ZBBX: variants seen among roughly 807,000 people sequenced by gnomAD.
The protein encoded by ZBBX is zinc finger B-box domain containing.
A neutral mutation model predicts 108.5 loss-of-function variants in ZBBX; 101 were observed. The ratio of observed to expected loss-of-function variants is 0.93; its 90% CI spans 0.79 to 1.10. The LOEUF is 1.10. Among genes scored for constraint, ZBBX ranks in the 50% least tolerant of loss-of-function variants. The pLI, the probability that ZBBX is intolerant of heterozygous loss-of-function variation, is 0.00. For synonymous variants in ZBBX, 356 were observed against 323.4 expected (o/e 1.10, Z -1.08); for missense variants, 1,009 against 941.4 (o/e 1.07, Z -0.94).
intron 8 of ZBBX, among the ~76,000 whole-genome samples, chr3:167,358,030 G>C (rs770609051): frequency 5.3e-5 from 8 of 151,994 alleles, no homozygotes; most frequent in Non-Finnish European, 7.4e-5. Context: ...CTGTTGTTGA[G>C]AGGGGAGGGA....
chr3:167,331,942 G>C (rs1378794062), intron 10 of ZBBX, among the ~76,000 whole-genome samples: 1 of 152,090 alleles, frequency 6.6e-6, no homozygotes, highest in African/African-American at 2.4e-5. Context: ...CCAAGGATGT[G>C]CCATTGGCTT....
intron 4 of ZBBX, among the ~76,000 whole-genome samples, chr3:167,371,092 A>G (rs1435507763): frequency 6.6e-6 from 1 of 152,176 alleles, no homozygotes; most frequent in Non-Finnish European, 1.5e-5. Context: ...AGAGAACTCT[A>G]CGGTAATTAC....
intron 20 of ZBBX, among the ~76,000 whole-genome samples, chr3:167,259,115 T>C (rs976313619): frequency 1.3e-5 from 2 of 152,110 alleles, no homozygotes; most frequent in Non-Finnish European, 2.9e-5. Flanking sequence ...ACCCTTTTTT[T>C]TGATAATTTT....
intron 1 of ZBBX, among the ~76,000 whole-genome samples, chr3:167,389,037 T>A (rs1005095019): frequency 6.6e-6 from 1 of 152,088 alleles, no homozygotes; most frequent in Non-Finnish European, 1.5e-5. Flanking sequence ...GGTATACATG[T>A]ACCATGGTAG....
chr3:167,298,479 C>A lies in ZBBX; in HGVS notation c.1726-21G>T, dbSNP rs75687121. The A allele has an allele frequency of 1.6e-3, 2,295 of 1,442,154 alleles. 29 individuals carry two copies. The African/African-American group carries it at 0.025, about 16-fold the overall frequency. The allele number at this position is 1,442,154 out of a possible 1,614,324, so 89.3% of individuals were successfully genotyped here. A position where few individuals can be genotyped will look rare whatever the true frequency, so the allele number is the denominator to read the frequency against. On this transcript the variant is annotated intron_variant, in intron 17 of 21. Transcript: ENST00000675490. ...AACAACTAAGAAACAAAATATTCAA[C>A]AATATTATTTTCTAACTCATTAACA... is the stretch of plus-strand genomic sequence containing the variant.
At chr3:167,346,193 G>T (rs975922488) in intron 9 of ZBBX, among the ~76,000 whole-genome samples, 6 of 146,762 alleles carry the variant, frequency 4.1e-5, no homozygotes, top group Non-Finnish European at 9.0e-5. Context: ...ACATGTAGAA[G>T]TAAAATTTTA....
chr3:167,336,106 GATTA>G (rs1392128228), intron 9 of ZBBX, among the ~76,000 whole-genome samples: 2 of 151,424 alleles, frequency 1.3e-5, no homozygotes, highest in Admixed American at 6.6e-5. Context: ...AAAGCTATAG[GATTA>G]ATTTTATATA....
chr3:167,347,569 T>C (rs1015148005), intron 9 of ZBBX, among the ~76,000 whole-genome samples: 5 of 152,050 alleles, frequency 3.3e-5, no homozygotes, highest in Middle Eastern at 3.2e-3. Context: ...GTTTTATGAA[T>C]AAAGGGACAA....
At chr3:167,351,827 G>C (rs947535273) in intron 8 of ZBBX, among the ~76,000 whole-genome samples, 1 of 152,114 alleles carries the variant, frequency 6.6e-6, no homozygotes, top group Non-Finnish European at 1.5e-5. Flanking sequence ...CTCATGCTCT[G>C]CCACTACTGA....
intron 4 of ZBBX, among the ~76,000 whole-genome samples, chr3:167,372,427 G>C (rs1746299665): frequency 6.6e-6 from 1 of 152,132 alleles, no homozygotes; most frequent in Admixed American, 6.6e-5. Context: ...ACCTCTCCTG[G>C]AAAAGGTCAA....
At chr3:167,400,295 T>C (rs892531695) in intron 1 of ZBBX, among the ~76,000 whole-genome samples, 1 of 152,148 alleles carries the variant, frequency 6.6e-6, no homozygotes, top group Non-Finnish European at 1.5e-5. Flanking sequence ...CTTTCTAGAG[T>C]GGCTAAACTA....
intron 20 of ZBBX, among the ~76,000 whole-genome samples, chr3:167,280,844 G>A (rs1728672508): frequency 6.6e-6 from 1 of 152,080 alleles, no homozygotes; most frequent in African/African-American, 2.4e-5. Flanking sequence ...GCAAAGACTT[G>A]GAACCAACCC....
At chr3:167,191,928 T>TAGAGAGAGAGAGAGAG in the ZBBX span, among the ~76,000 whole-genome samples, 9 of 125,770 alleles carry the variant, frequency 7.2e-5, no homozygotes, top group African/African-American at 3.1e-4. Context: ...TATATATATA[T>TAGAGAGAGAGAGAGAG]ATATATAGAG....
chr3:167,368,368 T>C, intron 5 of ZBBX, 93 bp downstream of exon 5: 1 of 911,636 alleles, frequency 1.1e-6, no homozygotes, highest in Non-Finnish European at 1.7e-6. Flanking sequence ...TATCCATCCA[T>C]TAAATGTTTT....
At chr3:167,315,365 A>G (rs1249478703) in intron 15 of ZBBX, among the ~76,000 whole-genome samples, 2 of 152,168 alleles carry the variant, frequency 1.3e-5, no homozygotes, top group Non-Finnish European at 2.9e-5. Flanking sequence ...ATCATTTATA[A>G]AACTTTTTAT....
intron 20 of ZBBX, among the ~76,000 whole-genome samples, chr3:167,265,242 C>T (rs1196980557): frequency 1.3e-5 from 2 of 152,170 alleles, no homozygotes; most frequent in Admixed American, 1.3e-4. Context: ...GGTGTACTCC[C>T]TTGGTATCAC....
At chr3:167,285,338 T>G (rs1281433271) in intron 19 of ZBBX, among the ~76,000 whole-genome samples, 1 of 152,134 alleles carries the variant, frequency 6.6e-6, no homozygotes, top group Non-Finnish European at 1.5e-5. Flanking sequence ...TAGGTAGCGT[T>G]TTAATAACAA....
chr3:167,361,523 C>A (rs914224722), intron 6 of ZBBX, among the ~76,000 whole-genome samples: 3 of 152,078 alleles, frequency 2.0e-5, no homozygotes, highest in African/African-American at 7.2e-5. Flanking sequence ...AATCTGAGAA[C>A]AATGACTGCC....
chr3:167,195,634 T>A, the ZBBX span, among the ~76,000 whole-genome samples: 1 of 152,184 alleles, frequency 6.6e-6, no homozygotes, highest in Non-Finnish European at 1.5e-5. Flanking sequence ...CTGCTCTAAC[T>A]TTAACATTTT....
Sources: gnomAD v4.1 joint callset for allele counts (sites outside exome capture counted in the v4.1 genomes callset) on GRCh38, gnomAD v4.1.1 for gene constraint, MANE v1.5 for transcripts, NCBI Gene and HGNC (gene_info 2026-07-23, HGNC 2026-07-21) for gene names.